Variants in NR3C2 observed in about 807,000 individuals in gnomAD.
The protein encoded by NR3C2 is nuclear receptor subfamily 3 group C member 2, also known as mineralocorticoid receptor.
In NR3C2, 15 loss-of-function variants were observed where a neutral mutation model predicts 86.4. The ratio of observed to expected loss-of-function variants is 0.17; its 90% CI spans 0.12 to 0.27. NR3C2 has a LOEUF of 0.27. NR3C2 is among the 10% of genes least tolerant of loss of function. NR3C2 has a pLI of 1.00. For synonymous variants in NR3C2, 458 were observed against 450.5 expected (o/e 1.02, Z -0.21); for missense variants, 960 against 1,195.6 (o/e 0.80, Z 2.91).
chr4:148,243,862 A>G (rs1739185608), intron 3 of NR3C2, among the ~76,000 whole-genome samples: 1 of 152,202 alleles, frequency 6.6e-6, no homozygotes, highest in South Asian at 2.1e-4. Context: ...GTACCATTTC[A>G]TTAAGAAAAC....
intron 6 of NR3C2, among the ~76,000 whole-genome samples, chr4:148,123,156 G>A (rs996337965): frequency 6.6e-6 from 1 of 152,176 alleles, no homozygotes; most frequent in African/African-American, 2.4e-5. Flanking sequence ...ATGCGGTTGA[G>A]ATAAGCACTG....
chr4:148,387,795 A>G (rs755080537), intron 2 of NR3C2, among the ~76,000 whole-genome samples: 3 of 152,240 alleles, frequency 2.0e-5, no homozygotes, highest in Non-Finnish European at 4.4e-5. Flanking sequence ...TATATGAACT[A>G]GGCATGTTGT....
In NR3C2 at chr4:148,290,623, A is replaced by C. The variant is rs192260161; in HGVS notation, c.1758-30506T>G. Among the ~76,000 whole-genome samples the C allele has an allele frequency of 1.7e-3, 255 of 152,338 alleles. 2 individuals carry two copies. Among genetic ancestry groups the C allele is most frequent in the African/African-American group, 5.9e-3 (244 of 41,582 alleles). On this transcript the variant is annotated intron_variant, in intron 2 of 8. Transcript: ENST00000358102. ...CAAATGAATTTACACACAACAACTC[A>C]AATTTTATTCCATATCTTCCTGCTT...
intron 2 of NR3C2, among the ~76,000 whole-genome samples, chr4:148,414,066 T>C (rs749660314): frequency 6.6e-6 from 1 of 152,154 alleles, no homozygotes; most frequent in Admixed American, 6.5e-5. Flanking sequence ...TGTCCATTAA[T>C]AGGGAACCAG....
At chr4:148,369,093 G>A (rs1041870165) in intron 2 of NR3C2, among the ~76,000 whole-genome samples, 1 of 152,164 alleles carries the variant, frequency 6.6e-6, no homozygotes, top group African/African-American at 2.4e-5. Flanking sequence ...GAAGAAGTGG[G>A]GCTGGGGCTG....
chr4:148,173,075 T>C (rs116275956), intron 4 of NR3C2, among the ~76,000 whole-genome samples: 154 of 152,270 alleles, frequency 1.0e-3, no homozygotes, highest in African/African-American at 3.4e-3. Flanking sequence ...CAGAACTGTG[T>C]TGACAAAGGC....
intron 2 of NR3C2, among the ~76,000 whole-genome samples, chr4:148,425,189 C>A (rs1749467595): frequency 6.6e-6 from 1 of 152,162 alleles, no homozygotes; most frequent in African/African-American, 2.4e-5. Flanking sequence ...GCTAGTCAAT[C>A]CATCCATTCA....
chr4:148,302,918 G>T (rs1031245172), intron 2 of NR3C2, among the ~76,000 whole-genome samples: 3 of 150,864 alleles, frequency 2.0e-5, no homozygotes, highest in Non-Finnish European at 4.4e-5. Flanking sequence ...ACCTCAAGAA[G>T]AGAGAAGTTT....
intron 4 of NR3C2, among the ~76,000 whole-genome samples, chr4:148,182,812 CA>C (rs549845165): frequency 3.2e-4 from 48 of 152,270 alleles, no homozygotes; most frequent in African/African-American, 1.1e-3. Context: ...TGGCCTTGGG[CA>C]AGCTTTTATT....
At chr4:148,251,393 G>A (rs938016474) in intron 3 of NR3C2, among the ~76,000 whole-genome samples, 14 of 152,152 alleles carry the variant, frequency 9.2e-5, no homozygotes, top group African/African-American at 3.1e-4. Context: ...CATTTCTGGT[G>A]TCAAATCATT....
chr4:148,109,931 G>A (rs61764239), intron 8 of NR3C2, among the ~76,000 whole-genome samples: 388 of 152,278 alleles, frequency 2.5e-3, no homozygotes, highest in Middle Eastern at 0.01. Flanking sequence ...ATCTCTCTAA[G>A]AATGAATAGA....
At chr4:148,173,166 G>A (rs933122105) in intron 4 of NR3C2, among the ~76,000 whole-genome samples, 9 of 152,184 alleles carry the variant, frequency 5.9e-5, no homozygotes, top group Admixed American at 5.9e-4. Flanking sequence ...GGAATGAGGT[G>A]GGTGACAGAG....
rs991383458 is a variant in NR3C2, at chr4:148,319,260, T to C, written c.1758-59143A>G. Among the ~76,000 whole-genome samples, 4 of 152,340 alleles carry C rather than the reference T, an allele frequency of 2.6e-5. No homozygotes were observed. The East Asian group carries it at 7.7e-4, about 29-fold the overall frequency. Reference sequence around the variant, plus strand: ...TATCTCTGTTTTGGTACTAGTACCATGCTGTTTTGGTTACTGTAGCCTTGT... The same window carrying C: ...TATCTCTGTTTTGGTACTAGTACCACGCTGTTTTGGTTACTGTAGCCTTGT... On this transcript the variant is annotated intron_variant, in intron 2 of 8. Transcript: ENST00000358102.
chr4:148,362,899 G>C (rs546477783), intron 2 of NR3C2, among the ~76,000 whole-genome samples: 2 of 152,202 alleles, frequency 1.3e-5, no homozygotes, highest in South Asian at 4.1e-4. Flanking sequence ...TGGCGTTTCC[G>C]TTATGACATC....
At chr4:148,162,399 T>C (rs764674498) in intron 4 of NR3C2, among the ~76,000 whole-genome samples, 1 of 151,926 alleles carries the variant, frequency 6.6e-6, no homozygotes, top group Non-Finnish European at 1.5e-5. Context: ...ACATTTTTCA[T>C]CCCCCCTCCC....
intron 2 of NR3C2, among the ~76,000 whole-genome samples, chr4:148,324,341 GTGTGTGTGTGTGTGTGTGTGTGTGTT>G (rs1427919498): frequency 1.3e-5 from 1 of 78,638 alleles, no homozygotes; most frequent in Non-Finnish European, 2.4e-5. Flanking sequence ...CTGTGTGTGT[GTGTGTGTGTGTGTGTGTGTGTGTGTT>G]TGTGTGTGTG....
intron 3 of NR3C2, among the ~76,000 whole-genome samples, chr4:148,242,180 G>A (rs1166136880): frequency 2.6e-5 from 4 of 152,120 alleles, no homozygotes; most frequent in Non-Finnish European, 5.9e-5. Context: ...CTGTACACTT[G>A]AAAATAATTA....
intron 2 of NR3C2, among the ~76,000 whole-genome samples, chr4:148,293,870 C>G (rs1741912203): frequency 6.6e-6 from 1 of 152,172 alleles, no homozygotes. Flanking sequence ...CACCAGTGAC[C>G]TATGCATACA....
chr4:148,181,192 A>G (rs1470076611), intron 4 of NR3C2, among the ~76,000 whole-genome samples: 1 of 152,194 alleles, frequency 6.6e-6, no homozygotes, highest in African/African-American at 2.4e-5. Flanking sequence ...GTGGCTTGTA[A>G]AGTCTACCTT....
Sources: allele counts gnomAD v4.1 joint callset (sites outside exome capture counted in the v4.1 genomes callset), GRCh38; gene constraint gnomAD v4.1.1; transcripts MANE v1.5; gene names NCBI Gene and HGNC (gene_info 2026-07-23, HGNC 2026-07-21).